RPS6KA2: variants seen among roughly 807,000 people sequenced by gnomAD.
RPS6KA2 encodes the protein ribosomal protein S6 kinase alpha-2.
RPS6KA2 carries 42 observed loss-of-function variants against 91.8 expected under a neutral mutation model. The ratio of observed to expected loss-of-function variants is 0.46; its 90% CI spans 0.36 to 0.59. The LOEUF is 0.59. Ranked by LOEUF, RPS6KA2 falls within the 20% of genes least tolerant of loss-of-function variation. RPS6KA2 has a pLI of 0.00. For synonymous variants in RPS6KA2, 414 were observed against 393.6 expected, an observed-to-expected ratio of 1.05 and a Z score of -0.61; for missense variants, 798 against 978.5, an observed-to-expected ratio of 0.82 and a Z score of 2.46.
chr6:166,593,819 A>C (rs555201054), intron 1 of RPS6KA2, among the ~76,000 whole-genome samples: 1 of 152,330 alleles, frequency 6.6e-6, no homozygotes, highest in South Asian at 2.1e-4. Flanking sequence ...TAATACTTAA[A>C]ATGTATATTT....
At chr6:166,738,340 G>A (rs1226185535) in intron 2 of RPS6KA2, among the ~76,000 whole-genome samples, 1 of 152,234 alleles carries the variant, frequency 6.6e-6, no homozygotes, top group Non-Finnish European at 1.5e-5. Flanking sequence ...GAAGGCAGCA[G>A]GGAGGTGGCT....
At chr6:166,617,981 C>T (rs1786480673) in intron 1 of RPS6KA2, among the ~76,000 whole-genome samples, 1 of 152,214 alleles carries the variant, frequency 6.6e-6, no homozygotes, top group Admixed American at 6.5e-5. Flanking sequence ...AGGCTGATGA[C>T]ACCATTGGGG....
chr6:166,696,435 G>A (rs1789361432), intron 2 of RPS6KA2, among the ~76,000 whole-genome samples: 1 of 152,098 alleles, frequency 6.6e-6, no homozygotes, highest in Non-Finnish European at 1.5e-5. Flanking sequence ...CCACTCTCTG[G>A]TAGAAACCTT....
intron 1 of RPS6KA2, among the ~76,000 whole-genome samples, chr6:166,596,465 T>A (rs1001642758): frequency 1.3e-5 from 2 of 151,936 alleles, no homozygotes; most frequent in South Asian, 4.2e-4. Context: ...ACTTGCTGAG[T>A]CTTCTGGTCT....
At chr6:166,771,458 C>A (rs1289555636) in intron 2 of RPS6KA2, among the ~76,000 whole-genome samples, 1 of 152,200 alleles carries the variant, frequency 6.6e-6, no homozygotes, top group Non-Finnish European at 1.5e-5. Flanking sequence ...TCCCAAGCCT[C>A]TTTTTGGCCA....
At chr6:166,843,892 C>T (rs12661108) in intron 2 of RPS6KA2, among the ~76,000 whole-genome samples, 8,877 of 152,104 alleles carry the variant, frequency 0.058, 652 homozygotes, top group East Asian at 0.37. Context: ...CACACCAGCA[C>T]ACCAGCAATG....
intron 2 of RPS6KA2, among the ~76,000 whole-genome samples, chr6:166,774,865 G>T (rs2072639): frequency 0.076 from 10,980 of 144,474 alleles, 1,034 homozygotes; most frequent in East Asian, 0.46. Flanking sequence ...CTTCTTGTCT[G>T]TGACCTCTGA....
intron 3 of RPS6KA2, among the ~76,000 whole-genome samples, chr6:166,521,266 TCACCCAAAGCTGTGGGAGGC>T (rs1782845483): frequency 6.6e-6 from 1 of 152,214 alleles, no homozygotes; most frequent in East Asian, 1.9e-4. Flanking sequence ...CTGGATTGGG[TCACCCAAAGCTGTGGGAGGC>T]CACCCAAAGC....
At chr6:166,758,451 T>A (rs1036849904) in intron 2 of RPS6KA2, among the ~76,000 whole-genome samples, 2 of 152,234 alleles carry the variant, frequency 1.3e-5, no homozygotes, top group Admixed American at 6.5e-5. Flanking sequence ...TGCTTTCACT[T>A]GCCATGGAGC....
chr6:166,448,763 T>G lies in RPS6KA2; in HGVS notation c.1293A>C (p.Arg431=). 1 of 1,613,420 alleles carries G rather than the reference T, an allele frequency of 6.2e-7. No homozygotes were observed. The highest frequency in any genetic ancestry group is 8.5e-7 in the Non-Finnish European group (1 of 1,179,846). ...IGVGSYSVCK[R]CVHKATDTEY... The stretch of plus-strand genomic sequence containing the variant: ...CGGTGTCTGTGGCTTTATGCACACA[T>G]CGCTTGCACACTGAGTAGGAGCCCA... The change falls in exon 14 of 21, where the codon CGA becomes CGC. Residue 431 remains arginine, a synonymous_variant. Transcript: ENST00000265678. This position sits in a 1 kb window ranked among gnomAD's most constrained non-coding sequence, Gnocchi z 4.7.
intron 1 of RPS6KA2, among the ~76,000 whole-genome samples, chr6:166,590,558 G>A (rs932731400): frequency 4.6e-5 from 7 of 152,252 alleles, no homozygotes; most frequent in South Asian, 2.1e-4. Flanking sequence ...ACTTCAGGTC[G>A]TTGCACTGTA....
chr6:166,613,629 G>C (rs573047646), intron 1 of RPS6KA2, among the ~76,000 whole-genome samples: 1 of 152,306 alleles, frequency 6.6e-6, no homozygotes, highest in Admixed American at 6.5e-5. Flanking sequence ...TGGCAGCTCC[G>C]AGAGCTTGCT....
In RPS6KA2 at chr6:166,490,510, A is replaced by G. The variant is rs1781552461; in HGVS notation, c.818+161T>C. On this transcript the variant is annotated intron_variant, in intron 9 of 20. Coordinates refer to ENST00000265678, the MANE Select transcript of RPS6KA2 (RefSeq NM_021135.6). This position sits in a 1 kb window ranked among gnomAD's most constrained non-coding sequence, Gnocchi z 4.2. ...CTGCTACTGGCGGACGAGCGCTACC[A>G]TTTTGTGTAAAACCAGTGACTTTTA... Among the ~76,000 whole-genome samples the G allele has an allele frequency of 6.6e-6, 1 of 152,184 alleles. No individual in the cohort carries two copies.
chr6:166,532,626 C>T (rs1209636022), intron 2 of RPS6KA2, among the ~76,000 whole-genome samples: 2 of 152,128 alleles, frequency 1.3e-5, no homozygotes, highest in Non-Finnish European at 2.9e-5. Context: ...CTAGATGACG[C>T]CCATGGGAAA....
At chr6:166,740,943 G>A (rs1790793764) in intron 2 of RPS6KA2, among the ~76,000 whole-genome samples, 2 of 152,246 alleles carry the variant, frequency 1.3e-5, no homozygotes, top group South Asian at 4.1e-4. Context: ...CACAACAGAG[G>A]GTAATTGGCA....
chr6:166,554,915 T>G lies in RPS6KA2; in HGVS notation c.100-16131A>C, dbSNP rs990488534. 6.6e-6 allele frequency among the ~76,000 whole-genome samples: 1 copy of G among 152,204 alleles called. No homozygotes were observed. The highest frequency in any genetic ancestry group is 1.5e-5 in the Non-Finnish European group (1 of 68,030). ...AATTGGTAATTTACAAAACCTGATT[T>G]TGAGATGACTTTAGGAAATTGTTGC... is the stretch of plus-strand genomic sequence containing the variant. On this transcript the variant is annotated intron_variant, in intron 1 of 20. Transcript: ENST00000265678. This position sits in a 1 kb window ranked among gnomAD's most constrained non-coding sequence, Gnocchi z 4.3.
intron 2 of RPS6KA2, among the ~76,000 whole-genome samples, chr6:166,824,111 A>G (rs1779974700): frequency 6.6e-6 from 1 of 152,114 alleles, no homozygotes; most frequent in East Asian, 1.9e-4. Flanking sequence ...ACATGTGAAT[A>G]TACATGCTTG....
chr6:166,437,863 G>A lies in RPS6KA2; in HGVS notation c.1333-5373C>T, dbSNP rs565856078. Among the ~76,000 whole-genome samples, 36 of 152,316 alleles carry A rather than the reference G, an allele frequency of 2.4e-4. No individual in the cohort carries two copies. Among genetic ancestry groups the A allele is most frequent in the Non-Finnish European group, 2.8e-4 (19 of 68,022 alleles). ...GGCAACAGGAGACTTCACCGCTCTCGATACACCTTTCTGGTCTTTGCGTTT... is the reference window on the plus strand; with the variant it reads ...GGCAACAGGAGACTTCACCGCTCTCAATACACCTTTCTGGTCTTTGCGTTT... On this transcript the variant is annotated intron_variant, in intron 14 of 20. Coordinates refer to ENST00000265678, the MANE Select transcript of RPS6KA2 (RefSeq NM_021135.6). This position sits in a 1 kb window ranked among gnomAD's most constrained non-coding sequence, Gnocchi z 4.3.
chr6:166,727,527 C>G (rs6926589), intron 2 of RPS6KA2, among the ~76,000 whole-genome samples: 15,983 of 151,948 alleles, frequency 0.11, 2,816 homozygotes, highest in African/African-American at 0.36. Context: ...AATGTGCCAG[C>G]ACCCTAAGGT....
Sources: gnomAD v4.1 joint callset for allele counts (sites outside exome capture counted in the v4.1 genomes callset) on GRCh38, gnomAD v4.1.1 for gene constraint, Gnocchi (gnomAD v3.1) non-coding constraint, MANE v1.5 for transcripts, NCBI Gene and HGNC (gene_info 2026-07-23, HGNC 2026-07-21) for gene names.